The following ADAMTS9 variants were observed in gnomAD, a reference collection of about 807,000 sequenced individuals.
The protein encoded by ADAMTS9 is A disintegrin and metalloproteinase with thrombospondin motifs 9.
Under a neutral mutation model 257.1 loss-of-function variants are expected in ADAMTS9, and 107 were observed. The observed-to-expected ratio is 0.42, with a 90% CI of 0.36 to 0.49. The LOEUF (loss-of-function observed/expected upper bound fraction) is 0.49, where lower values mean the gene tolerates loss of function less well. Ranked by LOEUF, ADAMTS9 falls within the 20% of genes least tolerant of loss-of-function variation. The pLI is 0.03. For missense variants in ADAMTS9, 2,353 were observed against 2,469.1 expected (o/e 0.95, Z 1.00); for synonymous variants, 982 against 880.9 (o/e 1.11, Z -2.03).
chr3:64,607,954 G>A (rs1033454087), intron 22 of ADAMTS9, among the ~76,000 whole-genome samples: 2 of 152,098 alleles, frequency 1.3e-5, no homozygotes, highest in Admixed American at 1.3e-4. Context: ...AATGGAGTGA[G>A]GCAAGAAATC....
At chr3:64,631,392 A>C in intron 16 of ADAMTS9, 63 bp downstream of exon 16, 2 of 1,271,240 alleles carry the variant, frequency 1.6e-6, no homozygotes, top group South Asian at 2.4e-5. Flanking sequence ...GAAGGAAGGA[A>C]GCAGTATCTG....
intron 38 of ADAMTS9, among the ~76,000 whole-genome samples, chr3:64,530,762 T>A (rs1182750504): frequency 1.3e-5 from 2 of 152,098 alleles, no homozygotes; most frequent in Non-Finnish European, 2.9e-5. Context: ...ACAATCACAT[T>A]TTTATTTATT....
In ADAMTS9 at chr3:64,687,439, A is replaced by T. The variant is rs1007133842; in HGVS notation, c.115+104T>A. ...TGCAAAGCGGGAGATAATTCTTTCT[A>T]GGAAAAGGAGAGAAGCCTCCGCTGC... On this transcript the variant is annotated intron_variant, in intron 1 of 39. Transcript: ENST00000498707. The surrounding 1 kb of genome is among the most constrained non-coding windows in gnomAD (Gnocchi z 4.4). 7 of 927,840 alleles carry T rather than the reference A, an allele frequency of 7.5e-6. No individual in the cohort carries two copies. The highest frequency in any genetic ancestry group is 1.1e-5 in the Non-Finnish European group (7 of 640,014). The allele number at this position is 927,840 out of a possible 1,614,324, so 57.5% of individuals were successfully genotyped here. A position where few individuals can be genotyped will look rare whatever the true frequency, so the allele number is the denominator to read the frequency against.
At chr3:64,570,574 T>A (rs538352830) in intron 28 of ADAMTS9, among the ~76,000 whole-genome samples, 1 of 151,188 alleles carries the variant, frequency 6.6e-6, no homozygotes, top group Non-Finnish European at 1.5e-5. Flanking sequence ...CAGGAATGCT[T>A]AGGTAGGGGA....
At chr3:64,645,266 G>A (rs1000210109) in intron 11 of ADAMTS9, among the ~76,000 whole-genome samples, 1 of 152,176 alleles carries the variant, frequency 6.6e-6, no homozygotes, top group Non-Finnish European at 1.5e-5. Flanking sequence ...TTGGAATGGG[G>A]ACTTGGAGGT....
chr3:64,522,334 A>G, intron 38 of ADAMTS9, 74 bp from the exon 39 acceptor site: 1 of 1,334,528 alleles, frequency 7.5e-7, no homozygotes. Flanking sequence ...TTTTTGGGAA[A>G]ACGTTCTTAT....
chr3:64,594,544 A>G (rs2084326113), intron 27 of ADAMTS9, 110 bp from the exon 28 acceptor site: 1 of 1,336,088 alleles, frequency 7.5e-7, no homozygotes, highest in Admixed American at 2.1e-5. Flanking sequence ...GGGCAAGGTA[A>G]GCCTCTGACA....
chr3:64,518,000 G>C (rs1248457811), intron 39 of ADAMTS9, among the ~76,000 whole-genome samples: 2 of 152,124 alleles, frequency 1.3e-5, no homozygotes, highest in Admixed American at 1.3e-4. Flanking sequence ...GCGACCATGC[G>C]ACCTAACCAG....
Position 64,561,440 on chromosome 3 carries a change from A to G in ADAMTS9, c.4698+138T>C, listed in dbSNP as rs987724604. The G allele has an allele frequency of 5.3e-6, 5 of 942,824 alleles. No individual in the cohort carries two copies. The African/African-American group carries it at 8.3e-5, about 16-fold the overall frequency. The allele number at this position is 942,824 out of a possible 1,614,324, so 58.4% of individuals were successfully genotyped here. A position where few individuals can be genotyped will look rare whatever the true frequency, so the allele number is the denominator to read the frequency against. On this transcript the variant is annotated intron_variant, in intron 30 of 39. Transcript: ENST00000498707. ...TTGTTGGAGCGAATGCGCGAGTCTG[A>G]CAGTGAACCTTTTGGGAAAGAGCCA...
intron 28 of ADAMTS9, among the ~76,000 whole-genome samples, chr3:64,573,313 C>T (rs530946742): frequency 6.6e-6 from 1 of 152,214 alleles, no homozygotes; most frequent in South Asian, 2.1e-4. Context: ...ATTCTGTATA[C>T]ATGAAATATG....
At chr3:64,610,703 G>T (rs554463555) in intron 22 of ADAMTS9, among the ~76,000 whole-genome samples, 1 of 152,094 alleles carries the variant, frequency 6.6e-6, no homozygotes, top group Admixed American at 6.5e-5. Context: ...AGGATGTGGA[G>T]AGAATGGAAC....
intron 38 of ADAMTS9, among the ~76,000 whole-genome samples, chr3:64,529,679 C>T (rs1455153687): frequency 3.3e-5 from 5 of 152,232 alleles, no homozygotes; most frequent in East Asian, 1.9e-4. Context: ...GCTGTAACTT[C>T]GAAAAGAAGT....
At chr3:64,606,896 C>G in intron 23 of ADAMTS9, 64 bp downstream of exon 23, 1 of 1,596,318 alleles carries the variant, frequency 6.3e-7, no homozygotes, top group Admixed American at 1.7e-5. Context: ...TTTGTCTAAA[C>G]AGCTGGGCAG....
intron 18 of ADAMTS9, 127 bp from the exon 19 acceptor site, chr3:64,621,367 T>G: frequency 1.8e-6 from 2 of 1,116,320 alleles, no homozygotes; most frequent in Non-Finnish European, 2.5e-6. Context: ...GTATGATCTC[T>G]GTTGCACTAT....
At chr3:64,580,364 G>T (rs1307349248) in intron 28 of ADAMTS9, among the ~76,000 whole-genome samples, 1 of 152,006 alleles carries the variant, frequency 6.6e-6, no homozygotes, top group African/African-American at 2.4e-5. Context: ...CCAATACCGA[G>T]CCCAAGATTT....
In ADAMTS9 at chr3:64,687,035, A is replaced by T; in HGVS notation, c.116-67T>A. ...TTCCTTAAGCTTTAATTTAAAACGA[A>T]GGTGGGGACTTTGTTCTGACCTTAT... is the stretch of plus-strand genomic sequence containing the variant. On this transcript the variant is annotated intron_variant, in intron 1 of 39. Transcript: ENST00000498707. This position sits in a 1 kb window ranked among gnomAD's most constrained non-coding sequence, Gnocchi z 4.4. 1 of 1,535,228 alleles carries T rather than the reference A, an allele frequency of 6.5e-7. No homozygotes were observed. The highest frequency in any genetic ancestry group is 8.8e-7 in the Non-Finnish European group (1 of 1,137,326).
At chr3:64,667,400 A>T (rs1297190501) in intron 3 of ADAMTS9, among the ~76,000 whole-genome samples, 8 of 152,190 alleles carry the variant, frequency 5.3e-5, no homozygotes, top group African/African-American at 1.9e-4. Context: ...GAGGCAAGTG[A>T]TGGGGACAGC....
chr3:64,606,872 G>A (rs2084564647), intron 23 of ADAMTS9, 88 bp downstream of exon 23: 17 of 1,539,954 alleles, frequency 1.1e-5, no homozygotes, highest in Middle Eastern at 3.5e-4. Flanking sequence ...ACTTATCTAT[G>A]AAAGGATTTC....
chr3:64,611,075 C>T (rs1223428470), intron 22 of ADAMTS9, among the ~76,000 whole-genome samples: 1 of 72,160 alleles, frequency 1.4e-5, no homozygotes, highest in East Asian at 4.2e-4. Context: ...GACTCTGTCT[C>T]AAAAAAAAAA....
Sources: gnomAD v4.1 joint callset for allele counts (sites outside exome capture counted in the v4.1 genomes callset) on GRCh38, gnomAD v4.1.1 for gene constraint, Gnocchi (gnomAD v3.1) non-coding constraint, MANE v1.5 for transcripts, NCBI Gene and HGNC (gene_info 2026-07-23, HGNC 2026-07-21) for gene names.